CDCA2: variants seen among roughly 807,000 people sequenced by gnomAD.
CDCA2 encodes cell division cycle associated 2.
Under a neutral mutation model 67.0 loss-of-function variants are expected in CDCA2, and 44 were observed. The observed-to-expected ratio is 0.66, with a 90% CI of 0.52 to 0.84. The LOEUF is 0.84. Ranked by LOEUF, CDCA2 falls within the 40% of genes least tolerant of loss-of-function variation. CDCA2 has a pLI of 0.00. For missense variants in CDCA2, 1,253 were observed against 1,203.2 expected (o/e 1.04, Z -0.61); for synonymous variants, 447 against 418.7 (o/e 1.07, Z -0.82).
chr8:25,486,322 C>T (rs1262703535), intron 11 of CDCA2, among the ~76,000 whole-genome samples: 1 of 152,134 alleles, frequency 6.6e-6, no homozygotes, highest in Non-Finnish European at 1.5e-5. Context: ...TGGCAGGTGT[C>T]ATGGGCCAGG....
At chr8:25,478,210 G>C (rs937846078) in intron 7 of CDCA2, among the ~76,000 whole-genome samples, 31 of 152,060 alleles carry the variant, frequency 2.0e-4, no homozygotes, top group African/African-American at 7.0e-4. Context: ...GATTACAGAT[G>C]TGAGCCACTG....
At chr8:25,484,805 T>C (rs1803705424) in intron 10 of CDCA2, among the ~76,000 whole-genome samples, 2 of 152,082 alleles carry the variant, frequency 1.3e-5, no homozygotes, top group Non-Finnish European at 1.5e-5. Context: ...ACCAAACACT[T>C]GAGCAAGTTA....
chr8:25,460,139 G>C, intron 1 of CDCA2, 101 bp from the exon 2 acceptor site: 2 of 1,112,582 alleles, frequency 1.8e-6, no homozygotes, highest in African/African-American at 1.5e-5. Context: ...TTCTATGCCA[G>C]TATGGACTGT....
intron 13 of CDCA2, among the ~76,000 whole-genome samples, chr8:25,502,271 A>G (rs1297625989): frequency 3.3e-5 from 5 of 152,166 alleles, no homozygotes; most frequent in Non-Finnish European, 1.5e-5. Context: ...AATATATTTC[A>G]TTCCTTTCGC....
chr8:25,492,128 G>A (rs1804032167), intron 13 of CDCA2, among the ~76,000 whole-genome samples: 1 of 136,172 alleles, frequency 7.3e-6, no homozygotes, highest in African/African-American at 2.8e-5. Flanking sequence ...TGAAGCAGCG[G>A]GGGGTTGGGG....
intron 7 of CDCA2, among the ~76,000 whole-genome samples, chr8:25,474,716 G>C (rs1454464740): frequency 2.0e-5 from 3 of 152,210 alleles, no homozygotes; most frequent in African/African-American, 7.2e-5. Flanking sequence ...ATTTGGCAGA[G>C]TTGCAGGTTG....
Position 25,468,333 on chromosome 8 carries a change from G to A in CDCA2, c.655G>A (p.Gly219Arg), listed in dbSNP as rs1260567972. ...DSDENLTDAE[G>R]KVIGLQIFNI... Reference sequence around the variant, plus strand: ...TGATGAAAATCTGACGGATGCTGAAGGAAAAGTAATTGGTCTCCAGATATT... The same window carrying A: ...TGATGAAAATCTGACGGATGCTGAAAGAAAAGTAATTGGTCTCCAGATATT... The change falls in exon 6 of 15, where the codon GGA becomes AGA. Residue 219 changes from glycine to arginine, a missense_variant. Gly to Arg is a moderately radical substitution (Grantham distance 125, BLOSUM62 -2). Transcript: ENST00000330560. 1 of 1,613,864 alleles carries A rather than the reference G, an allele frequency of 6.2e-7. No individual in the cohort carries two copies. The highest frequency in any genetic ancestry group is 1.7e-5 in the Admixed American group (1 of 59,994).
chr8:25,496,714 G>A (rs1412564156), intron 13 of CDCA2, among the ~76,000 whole-genome samples: 4 of 152,066 alleles, frequency 2.6e-5, no homozygotes, highest in Non-Finnish European at 5.9e-5. Flanking sequence ...ACCACAATGA[G>A]ATATCACTGG....
chr8:25,488,343 CT>C (rs1192217293), intron 12 of CDCA2, among the ~76,000 whole-genome samples: 3 of 152,052 alleles, frequency 2.0e-5, no homozygotes, highest in African/African-American at 7.2e-5. Context: ...TATATGTATA[CT>C]TCTGGGTCTG....
Position 25,466,155 on chromosome 8 carries a change from T to C in CDCA2, c.388-20T>C, listed in dbSNP as rs1802892539. 8 of 1,584,234 alleles carry C rather than the reference T, an allele frequency of 5.0e-6. No homozygotes were observed. In the East Asian group the frequency reaches 1.8e-4, roughly 36 times the overall value. ...TATGAATTGATTATAATACTCCTTG[T>C]ATATTTTGCACTTTCACAGGGCAGC... is the stretch of plus-strand genomic sequence containing the variant. On this transcript the variant is annotated intron_variant, in intron 4 of 14. Transcript: ENST00000330560.
intron 5 of CDCA2, 52 bp from the exon 6 acceptor site, chr8:25,468,165 T>C (rs955617170): frequency 1.3e-6 from 1 of 754,322 alleles, no homozygotes; most frequent in Non-Finnish European, 1.9e-6. Context: ...ATATATAATA[T>C]ATATGAAAAC....
chr8:25,483,011 TC>T (rs1278349925), intron 8 of CDCA2, among the ~76,000 whole-genome samples: 3 of 152,224 alleles, frequency 2.0e-5, no homozygotes, highest in African/African-American at 7.2e-5. Context: ...GACTTGAGCA[TC>T]CGTGGATTTT....
rs1803006544 is a variant in CDCA2, at chr8:25,468,346, G to A, written c.668G>A (p.Gly223Asp). ...NLTDAEGKVI[G>D]LQIFNIDTDR... is the part of the protein sequence containing the mutation. ...ACGGATGCTGAAGGAAAAGTAATTG[G>A]TCTCCAGATATTCAATATTGATACA... Residue 223 changes from glycine to aspartate, a missense_variant, in exon 6 of 15, where the codon GGT (glycine) becomes GAT (aspartate). Physicochemically the swap from Gly to Asp is moderately conservative, Grantham distance 94. Coordinates refer to ENST00000330560, the MANE Select transcript of CDCA2 (RefSeq NM_152562.4). The A allele has an allele frequency of 1.2e-6, 2 of 1,613,694 alleles. No homozygotes were observed. Among genetic ancestry groups the A allele is most frequent in the Admixed American group, 3.3e-5 (2 of 59,982 alleles).
intron 7 of CDCA2, among the ~76,000 whole-genome samples, chr8:25,474,245 G>A (rs1222817138): frequency 6.6e-6 from 1 of 152,162 alleles, no homozygotes; most frequent in African/African-American, 2.4e-5. Context: ...GGATATTGGT[G>A]TATAATTTTC....
chr8:25,505,274 T>A (rs1472501160), intron 14 of CDCA2, among the ~76,000 whole-genome samples: 1 of 152,218 alleles, frequency 6.6e-6, no homozygotes, highest in Non-Finnish European at 1.5e-5. Context: ...CAATCTTGGC[T>A]CACTGCAACC....
intron 7 of CDCA2, among the ~76,000 whole-genome samples, chr8:25,476,836 G>A (rs1053804141): frequency 4.6e-5 from 7 of 152,232 alleles, no homozygotes; most frequent in African/African-American, 1.4e-4. Flanking sequence ...TTACAGGCAT[G>A]AGCCACCACG....
intron 5 of CDCA2, among the ~76,000 whole-genome samples, chr8:25,467,623 G>T (rs79913574): frequency 0.014 from 2,062 of 152,156 alleles, 58 homozygotes; most frequent in African/African-American, 0.048. Flanking sequence ...TACCATATTA[G>T]ACATGCAAAA....
intron 7 of CDCA2, among the ~76,000 whole-genome samples, chr8:25,477,947 A>C (rs1330299519): frequency 1.6e-5 from 2 of 128,216 alleles, no homozygotes; most frequent in African/African-American, 5.9e-5. Context: ...TTTTTTTCTT[A>C]AGTTAGAGTC....
At chr8:25,467,151 C>T (rs1802945240) in intron 5 of CDCA2, among the ~76,000 whole-genome samples, 1 of 145,984 alleles carries the variant, frequency 6.9e-6, no homozygotes, top group African/African-American at 2.5e-5. Flanking sequence ...GTTGTTTTTT[C>T]AGTCTTTTTT....
Sources: allele counts gnomAD v4.1 joint callset (sites outside exome capture counted in the v4.1 genomes callset), GRCh38; gene constraint gnomAD v4.1.1; transcripts MANE v1.5; gene names NCBI Gene and HGNC (gene_info 2026-07-23, HGNC 2026-07-21).